EZH2: variants seen among roughly 807,000 people sequenced by gnomAD.
The protein encoded by EZH2 is enhancer of zeste 2 polycomb repressive complex 2 subunit, also known as histone-lysine N-methyltransferase EZH2.
A neutral mutation model predicts 98.4 loss-of-function variants in EZH2; 18 were observed. The ratio of observed to expected loss-of-function variants is 0.18; its 90% CI spans 0.13 to 0.27. EZH2 has a LOEUF of 0.27. Ranked by LOEUF, EZH2 falls within the 10% of genes least tolerant of loss-of-function variation. EZH2 has a pLI of 1.00. For missense variants in EZH2, 470 were observed against 935.1 expected, an observed-to-expected ratio of 0.50 and a Z score of 6.49; for synonymous variants, 338 against 312.3, an observed-to-expected ratio of 1.08 and a Z score of -0.87.
chr7:148,812,802 T>C lies in EZH2; in HGVS notation c.1852-1082A>G, dbSNP rs147736049. Among the ~76,000 whole-genome samples the C allele has an allele frequency of 3.4e-3, 514 of 152,236 alleles. 4 individuals are homozygous for C. The highest frequency in any genetic ancestry group is 0.012 in the African/African-American group (501 of 41,536). On this transcript the variant is annotated intron_variant, in intron 15 of 19. Coordinates refer to ENST00000320356, the MANE Select transcript of EZH2 (RefSeq NM_004456.5). ...TGACCTAAATGGACATATAACTGCC[T>C]AGAGTAAAATCATCTAAATGTCTAA...
intron 3 of EZH2, among the ~76,000 whole-genome samples, chr7:148,839,107 A>AGGAAGGAAGGTG (rs1307399209): frequency 1.5e-4 from 23 of 150,178 alleles, no homozygotes; most frequent in African/African-American, 5.2e-4. Context: ...GAAGGAAGGA[A>AGGAAGGAAGGTG]AGTGAGTGAG....
At chr7:148,870,823 G>A (rs1370918189) in intron 1 of EZH2, among the ~76,000 whole-genome samples, 1 of 151,950 alleles carries the variant, frequency 6.6e-6, no homozygotes, top group African/African-American at 2.4e-5. Context: ...CAACTACTCA[G>A]GAGGCTGAGG....
At chr7:148,875,340 G>C (rs983114402) in intron 1 of EZH2, among the ~76,000 whole-genome samples, 3 of 151,996 alleles carry the variant, frequency 2.0e-5, no homozygotes, top group Admixed American at 2.0e-4. Context: ...AAACAAAAAT[G>C]AACAATAAAA....
At chr7:148,868,093 T>C (rs1403557727) in intron 1 of EZH2, among the ~76,000 whole-genome samples, 1 of 152,206 alleles carries the variant, frequency 6.6e-6, no homozygotes, top group African/African-American at 2.4e-5. Context: ...TTCCCTTATC[T>C]TCCTGTCTTG....
At chr7:148,820,622 G>C (rs201501186) in intron 8 of EZH2, among the ~76,000 whole-genome samples, 3 of 151,568 alleles carry the variant, frequency 2.0e-5, no homozygotes, top group African/African-American at 2.4e-5. Context: ...TGTTGGAAGC[G>C]TGTGAGCAAT....
At chr7:148,879,250 A>C (rs1173248201) in intron 1 of EZH2, among the ~76,000 whole-genome samples, 1 of 148,566 alleles carries the variant, frequency 6.7e-6, no homozygotes, top group Non-Finnish European at 1.5e-5. Flanking sequence ...AAAACAAAAA[A>C]CAAAAACAAA....
At chr7:148,848,511 T>A (rs570504578) in intron 1 of EZH2, among the ~76,000 whole-genome samples, 29 of 152,242 alleles carry the variant, frequency 1.9e-4, no homozygotes, top group African/African-American at 5.8e-4. Context: ...CAGAGAAAAC[T>A]GCCTAAGAAG....
chr7:148,861,685 G>A (rs576918576), intron 1 of EZH2, among the ~76,000 whole-genome samples: 17 of 152,116 alleles, frequency 1.1e-4, no homozygotes, highest in Admixed American at 2.6e-4. Context: ...AAATTAGTGA[G>A]TGAGGGCAAG....
intron 1 of EZH2, among the ~76,000 whole-genome samples, chr7:148,873,557 ATT>A (rs58553084): frequency 2.3e-3 from 181 of 79,928 alleles, no homozygotes; most frequent in Admixed American, 3.2e-3. Flanking sequence ...CATGCTCTTC[ATT>A]TTTTTTTTTT....
intron 1 of EZH2, among the ~76,000 whole-genome samples, chr7:148,879,276 T>C (rs1187052631): frequency 6.6e-6 from 1 of 150,954 alleles, no homozygotes; most frequent in Non-Finnish European, 1.5e-5. Flanking sequence ...CACAGCAGGG[T>C]GTGGTGGCTC....
At chr7:148,810,108 A>C (rs1802612787) in intron 17 of EZH2, 6 of 418,084 alleles carry the variant, frequency 1.4e-5, no homozygotes, top group Admixed American at 1.0e-4. Context: ...TGCCACCCAC[A>C]GACAGCCGGG....
Position 148,815,022 on chromosome 7 carries a change from C to T in EZH2, c.1564G>A (p.Val522Ile). The change falls in exon 14 of 20, where the codon GTT becomes ATT. Residue 522 changes from valine to isoleucine, a missense_variant. Around this residue, in one of 6 missense-constraint regions of EZH2, gnomAD observed 106 missense variants for 327.2 expected, o/e 0.32. Transcript: ENST00000320356. The stretch of plus-strand genomic sequence containing the variant: ...TGATCACAGGGTTGATAGTTGTAAA[C>T]ATGGTTAGAGGAGCCGTCTGAGTAA... ...QLKKDGSSNH[V>I]YNYQPCDHPR... is the part of the protein sequence containing the mutation. 6.2e-7 allele frequency: 1 copy of T among 1,614,002 alleles called. No homozygotes were observed. Among genetic ancestry groups the T allele is most frequent in the Non-Finnish European group, 8.5e-7 (1 of 1,179,966 alleles).
chr7:148,824,320 A>C (rs941924316), intron 8 of EZH2, among the ~76,000 whole-genome samples: 1 of 152,066 alleles, frequency 6.6e-6, no homozygotes, highest in African/African-American at 2.4e-5. Context: ...GTCTCAAAAA[A>C]AAAAAAAAAC....
At chr7:148,840,404 T>TA (rs148035368) in intron 3 of EZH2, among the ~76,000 whole-genome samples, 4,055 of 152,262 alleles carry the variant, frequency 0.027, 185 homozygotes, top group African/African-American at 0.092. Flanking sequence ...AAAGGATGTA[T>TA]ATCTGGCCAA....
intron 1 of EZH2, among the ~76,000 whole-genome samples, chr7:148,880,027 T>C (rs1478528934): frequency 6.6e-6 from 1 of 152,256 alleles, no homozygotes. Flanking sequence ...GAGGATCCCT[T>C]GAGCCCAGGA....
At chr7:148,846,380 CAAT>C in intron 3 of EZH2, 87 bp downstream of exon 3, 3 of 1,433,456 alleles carry the variant, frequency 2.1e-6, no homozygotes, top group Non-Finnish European at 2.9e-6. Flanking sequence ...ACCCTGAGGT[CAAT>C]GATTTCCTCC....
At chr7:148,872,178 T>A (rs1218572480) in intron 1 of EZH2, among the ~76,000 whole-genome samples, 1 of 152,158 alleles carries the variant, frequency 6.6e-6, no homozygotes, top group Non-Finnish European at 1.5e-5. Flanking sequence ...TTCTGTCACA[T>A]GCTACAACAT....
At position 148,828,870 on chromosome 7, in the gene EZH2, A is replaced by G. The variant is rs1398326838; in HGVS notation, c.495T>C (p.Phe165=). The change falls in exon 6 of 20, where the codon TTT becomes TTC. Residue 165 remains phenylalanine, a synonymous_variant. Coordinates refer to ENST00000320356, the MANE Select transcript of EZH2 (RefSeq NM_004456.5). ...GKVHGDRECG[F]INDEIFVELV... Reference sequence around the variant, plus strand: ...ACTCCACAAAAATTTCATCATTTATAAACCCACATTCTGAAACGCATCAAA... The same window carrying G: ...ACTCCACAAAAATTTCATCATTTATGAACCCACATTCTGAAACGCATCAAA... 6.2e-7 allele frequency: 1 copy of G among 1,610,536 alleles called. No homozygotes were observed. The highest frequency in any genetic ancestry group is 1.1e-5 in the South Asian group (1 of 90,594).
chr7:148,857,773 ATAAT>A (rs1221684692), intron 1 of EZH2, among the ~76,000 whole-genome samples: 4 of 151,946 alleles, frequency 2.6e-5, no homozygotes, highest in Admixed American at 6.5e-5. Context: ...AAATAAATAA[ATAAT>A]TAAAAATAAA....
Sources: allele counts gnomAD v4.1 joint callset (sites outside exome capture counted in the v4.1 genomes callset), GRCh38; gene constraint gnomAD v4.1.1; regional missense constraint gnomAD v4.1.1; transcripts MANE v1.5; gene names NCBI Gene and HGNC (gene_info 2026-07-23, HGNC 2026-07-21).